Variants in MAP3K1 observed in about 807,000 individuals in gnomAD.
The protein encoded by MAP3K1 is mitogen-activated protein kinase kinase kinase 1.
MAP3K1 carries 36 observed loss-of-function variants against 144.2 expected under a neutral mutation model. The ratio of observed to expected loss-of-function variants is 0.25; its 90% CI spans 0.19 to 0.33. The LOEUF (loss-of-function observed/expected upper bound fraction) is 0.33, where lower values mean the gene tolerates loss of function less well. Ranked by LOEUF, MAP3K1 falls within the 10% of genes least tolerant of loss-of-function variation. The probability of loss-of-function intolerance (pLI) is 1.00; values close to 1 mark genes in which losing one functional copy is unlikely to be tolerated. For synonymous variants in MAP3K1, 718 were observed against 688.7 expected (o/e 1.04, Z -0.67); for missense variants, 1,650 against 1,881.9 (o/e 0.88, Z 2.28).
intron 2 of MAP3K1, among the ~76,000 whole-genome samples, chr5:56,859,171 C>G (rs754134953): frequency 2.0e-5 from 3 of 147,280 alleles, no homozygotes; most frequent in Non-Finnish European, 3.0e-5. Flanking sequence ...CACATCTAAC[C>G]TATTATTGTA....
At chr5:56,887,833 T>G in intron 18 of MAP3K1, 1 of 440,444 alleles carries the variant, frequency 2.3e-6, no homozygotes, top group Non-Finnish European at 4.2e-6. Context: ...ATATTCTCTC[T>G]CTATTCTAAA....
At chr5:56,891,775 C>T (rs1368230762) in intron 19 of MAP3K1, among the ~76,000 whole-genome samples, 2 of 152,118 alleles carry the variant, frequency 1.3e-5, no homozygotes, top group Non-Finnish European at 2.9e-5. Flanking sequence ...TTCCCAGAAC[C>T]ATTTCTTAAA....
intron 4 of MAP3K1, 111 bp downstream of exon 4, chr5:56,865,045 A>G (rs1747635842): frequency 2.9e-6 from 3 of 1,042,542 alleles, no homozygotes; most frequent in Non-Finnish European, 4.3e-6. Context: ...TATAGTAAAC[A>G]AAGTTAAACT....
In MAP3K1 at chr5:56,894,376, A is replaced by G. The variant is rs1032136479; in HGVS notation, c.*696A>G. On this transcript the variant is annotated 3_prime_UTR_variant, in exon 20 of 20. Transcript: ENST00000399503. ...TGATCTTTTTTTCAAACCAGAAAAA[A>G]AAAATGAACTAGATATGAAGTAGAG... is the stretch of plus-strand genomic sequence containing the variant. 4.3e-5 allele frequency: 10 copies of G among 232,516 alleles called. No homozygotes were observed. In the East Asian group the frequency reaches 4.9e-4, roughly 11 times the overall value. 14.4% of individuals were successfully genotyped at this position (232,516 alleles called of 1,614,324 possible). A position where few individuals can be genotyped will look rare whatever the true frequency, so the allele number is the denominator to read the frequency against.
At chr5:56,844,039 C>T (rs1746899287) in intron 1 of MAP3K1, among the ~76,000 whole-genome samples, 1 of 152,058 alleles carries the variant, frequency 6.6e-6, no homozygotes, top group Non-Finnish European at 1.5e-5. Flanking sequence ...TTCTTTTTCC[C>T]CTTGGAGATT....
chr5:56,846,909 G>A (rs1336510002), intron 1 of MAP3K1, among the ~76,000 whole-genome samples: 1 of 152,192 alleles, frequency 6.6e-6, no homozygotes, highest in Non-Finnish European at 1.5e-5. Flanking sequence ...TTCTATTAGT[G>A]ATGTGCTTAG....
chr5:56,873,798 C>T (rs1747934330), intron 9 of MAP3K1, among the ~76,000 whole-genome samples: 1 of 152,072 alleles, frequency 6.6e-6, no homozygotes, highest in South Asian at 2.1e-4. Flanking sequence ...CATTACAGTC[C>T]TGCAGCTTTG....
At chr5:56,819,665 CAGA>C (rs1746095341) in intron 1 of MAP3K1, among the ~76,000 whole-genome samples, 4 of 152,156 alleles carry the variant, frequency 2.6e-5, no homozygotes, top group Admixed American at 1.3e-4. Context: ...GTCTGTTACA[CAGA>C]AGGCGATGGG....
chr5:56,880,653 T>C, intron 11 of MAP3K1, 58 bp from the exon 12 acceptor site: 1 of 1,127,096 alleles, frequency 8.9e-7, no homozygotes, highest in South Asian at 1.2e-5. Flanking sequence ...ACTCCTCTAA[T>C]ATTGTATAGT....
chr5:56,881,317 C>T (rs1216686522), intron 13 of MAP3K1, 45 bp downstream of exon 13: 1 of 1,492,396 alleles, frequency 6.7e-7, no homozygotes, highest in South Asian at 1.1e-5. Flanking sequence ...TTCCTACCCT[C>T]CCTACACCCT....
At chr5:56,888,549 A>G (rs1748452533) in intron 19 of MAP3K1, among the ~76,000 whole-genome samples, 192 bp downstream of exon 19, 1 of 152,238 alleles carries the variant, frequency 6.6e-6, no homozygotes, top group African/African-American at 2.4e-5. Flanking sequence ...CAAATTTGGT[A>G]AAAACCATAC....
chr5:56,872,119 G>C, intron 7 of MAP3K1, 88 bp downstream of exon 7: 1 of 1,551,322 alleles, frequency 6.4e-7, no homozygotes, highest in Non-Finnish European at 8.9e-7. Context: ...ATGGCTTGAG[G>C]GGAAATTGGT....
chr5:56,824,786 G>A (rs888888526), intron 1 of MAP3K1, among the ~76,000 whole-genome samples: 1 of 152,134 alleles, frequency 6.6e-6, no homozygotes, highest in Non-Finnish European at 1.5e-5. Context: ...CATAAAAATG[G>A]ATGCTGCTTA....
rs1201276268 is a variant in MAP3K1 at position 56,815,570 on chromosome 5, G to C, written c.-4G>C. 2 of 1,305,010 alleles carry C rather than the reference G, an allele frequency of 1.5e-6. No individual in the cohort carries two copies. The highest frequency in any genetic ancestry group is 1.9e-6 in the Non-Finnish European group (2 of 1,030,030). 80.8% of individuals were successfully genotyped at this position (1,305,010 alleles called of 1,614,324 possible). A position where few individuals can be genotyped will look rare whatever the true frequency, so the allele number is the denominator to read the frequency against. ...GGCCGAGCGAATGTAGCCCGCGAGA[G>C]AAAATGGCGGCGGCGGCGGGGAATC... On this transcript the variant is annotated 5_prime_UTR_variant, in exon 1 of 20. Transcript: ENST00000399503.
rs1202740337 is a variant in MAP3K1 at position 56,895,775 on chromosome 5, A to G, written c.*2095A>G. The G allele has an allele frequency of 4.3e-6, 1 of 231,782 alleles. No homozygotes were observed. Among genetic ancestry groups the G allele is most frequent in the African/African-American group, 2.2e-5 (1 of 45,256 alleles). The allele number at this position is 231,782 out of a possible 1,614,324, so 14.4% of individuals were successfully genotyped here. A position where few individuals can be genotyped will look rare whatever the true frequency, so the allele number is the denominator to read the frequency against. Reference sequence around the variant, plus strand: ...TCGTGTAATTATTTTTGTGTTCTTAATGTTATTTGGTACTCAAGTTGTAAA... The same window carrying G: ...TCGTGTAATTATTTTTGTGTTCTTAGTGTTATTTGGTACTCAAGTTGTAAA... On this transcript the variant is annotated 3_prime_UTR_variant, in exon 20 of 20. Coordinates refer to ENST00000399503, the MANE Select transcript of MAP3K1 (RefSeq NM_005921.2).
chr5:56,815,831 C>G lies in MAP3K1; in HGVS notation c.258C>G (p.Ala86=), dbSNP rs1254674571. ...QPLFLAASPP[A]SSTSPSPEPA... is the part of the protein sequence containing the mutation. ...TCTTCCTTGCCGCCTCACCGCCGGC[C>G]TCCTCGACTTCCCCGTCGCCGGAGC... Residue 86 remains alanine (A), a synonymous_variant, in exon 1 of 20, where the codon GCC becomes GCG. Transcript: ENST00000399503. 4 of 1,414,912 alleles carry G rather than the reference C, an allele frequency of 2.8e-6. No homozygotes were observed. Among genetic ancestry groups the G allele is most frequent in the Non-Finnish European group, 3.7e-6 (4 of 1,080,590 alleles). 87.6% of individuals were successfully genotyped at this position (1,414,912 alleles called of 1,614,324 possible).
At chr5:56,867,657 T>C (rs944192857) in intron 6 of MAP3K1, among the ~76,000 whole-genome samples, 5 of 152,324 alleles carry the variant, frequency 3.3e-5, no homozygotes, top group South Asian at 4.1e-4. Flanking sequence ...ATTGTAAGCA[T>C]GTGCTTGATC....
At chr5:56,887,866 G>C in intron 18 of MAP3K1, 1 of 432,298 alleles carries the variant, frequency 2.3e-6, no homozygotes, top group Non-Finnish European at 4.2e-6. Context: ...TACAGAGGCA[G>C]CTCCTGTCTG....
intron 1 of MAP3K1, among the ~76,000 whole-genome samples, chr5:56,856,387 T>C (rs1747344572): frequency 6.6e-6 from 1 of 152,220 alleles, no homozygotes; most frequent in Non-Finnish European, 1.5e-5. Flanking sequence ...TTCATTTTGT[T>C]AACTACAGTG....
Sources: gnomAD v4.1 joint callset for allele counts (sites outside exome capture counted in the v4.1 genomes callset) on GRCh38, gnomAD v4.1.1 for gene constraint, MANE v1.5 for transcripts, NCBI Gene and HGNC (gene_info 2026-07-23, HGNC 2026-07-21) for gene names.